SLC35E4: variants seen among roughly 807,000 people sequenced by gnomAD.
SLC35E4 encodes solute carrier family 35 member E4, also known as solute carrier family 35, member E4.
Under a neutral mutation model 19.3 loss-of-function variants are expected in SLC35E4, and 15 were observed. That is an observed-to-expected ratio of 0.78 (90% confidence interval 0.52 to 1.20). The LOEUF (loss-of-function observed/expected upper bound fraction) is 1.20. Among genes scored for constraint, SLC35E4 ranks in the 50% most tolerant of loss-of-function variants. The probability of loss-of-function intolerance (pLI) is 0.00; values close to 1 mark genes in which losing one functional copy is unlikely to be tolerated. For missense variants in SLC35E4, 406 were observed against 472.3 expected, an observed-to-expected ratio of 0.86 and a Z score of 1.30; for synonymous variants, 219 against 219.9, an observed-to-expected ratio of 1.00 and a Z score of 0.04.
chr22:30,665,323 T>C (rs2088609315), downstream of SLC35E4, among the ~76,000 whole-genome samples: 1 of 152,230 alleles, frequency 6.6e-6, no homozygotes, highest in Non-Finnish European at 1.5e-5. Context: ...CAAGGCCATT[T>C]GTGACCTGGC....
At chr22:30,657,940 A>G (rs1602094890) in intron 2 of SLC35E4, among the ~76,000 whole-genome samples, 2 of 144,534 alleles carry the variant, frequency 1.4e-5, no homozygotes, top group East Asian at 4.0e-4. Flanking sequence ...TAATAATAAT[A>G]ATAATAATAA....
At chr22:30,637,095 A>C in intron 1 of SLC35E4, 26 bp downstream of exon 1, 1 of 1,540,894 alleles carries the variant, frequency 6.5e-7, no homozygotes, top group Middle Eastern at 1.8e-4. Context: ...GCCAATTGAG[A>C]AGGTGGGGGT....
At chr22:30,643,544 C>T (rs1024959605) in intron 1 of SLC35E4, among the ~76,000 whole-genome samples, 5 of 152,046 alleles carry the variant, frequency 3.3e-5, no homozygotes, top group Non-Finnish European at 5.9e-5. Flanking sequence ...GGAAACAGGC[C>T]GTGCCAGGGC....
chr22:30,650,174 A>C (rs542128962), downstream of SLC35E4, among the ~76,000 whole-genome samples: 15 of 138,288 alleles, frequency 1.1e-4, 2 homozygotes, highest in African/African-American at 3.8e-4. Context: ...TCTACTAAAA[A>C]TACAAAAATT....
downstream of SLC35E4, among the ~76,000 whole-genome samples, chr22:30,665,772 C>T (rs967913568): frequency 6.6e-6 from 1 of 152,202 alleles, no homozygotes; most frequent in African/African-American, 2.4e-5. Flanking sequence ...TTCACTCCCA[C>T]TCTATCACCA....
At chr22:30,663,866 G>C, downstream of SLC35E4, 2 of 1,614,220 alleles carry the variant, frequency 1.2e-6, no homozygotes, top group Non-Finnish European at 8.5e-7. Flanking sequence ...TGACCATGGT[G>C]ATCTGGTTGC....
At chr22:30,652,631 G>A (rs186447730), downstream of SLC35E4, among the ~76,000 whole-genome samples, 15 of 152,310 alleles carry the variant, frequency 9.8e-5, no homozygotes, top group East Asian at 2.5e-3. Context: ...TTGCAAAGGC[G>A]GCTTCAGATT....
downstream of SLC35E4, chr22:30,663,360 G>A (rs948975045): frequency 1.1e-5 from 16 of 1,413,994 alleles, no homozygotes; most frequent in African/African-American, 2.1e-4. Flanking sequence ...AAAGTAGAAT[G>A]TTCAAGTTTG....
At chr22:30,663,247 A>G (rs2088528553) in exon 3 of SLC35E4, 1 of 628,408 alleles carries the variant, frequency 1.6e-6, no homozygotes, top group South Asian at 2.2e-5. Context: ...TCACCATCTC[A>G]CAATTAGTTT....
chr22:30,640,134 C>T (rs951210655), intron 1 of SLC35E4, among the ~76,000 whole-genome samples: 3 of 152,120 alleles, frequency 2.0e-5, no homozygotes, highest in Non-Finnish European at 4.4e-5. Flanking sequence ...CCTGACTTCC[C>T]GCAACAGAGG....
chr22:30,666,641 A>AAAAAAAAAAAAC (rs2088680938), downstream of SLC35E4, among the ~76,000 whole-genome samples: 1 of 150,834 alleles, frequency 6.6e-6, no homozygotes, highest in Non-Finnish European at 1.5e-5. Context: ...AAAAAAAAAA[A>AAAAAAAAAAAAC]AAAAAGCAAT....
At position 30,646,927 on chromosome 22, in the gene SLC35E4, C is replaced by T. The variant is rs1273288762; in HGVS notation, c.949C>T (p.Leu317Phe). ...TGCCCTCAGCTACGTGGGCATCGCACTCACTCTTTCAGGAATGTTCCTTTA... is the reference window on the plus strand; with the variant it reads ...TGCCCTCAGCTACGTGGGCATCGCATTCACTCTTTCAGGAATGTTCCTTTA... ...LSALSYVGIA[L>F]TLSGMFLYHN... The change falls in exon 2 of 2, where the codon CTC becomes TTC. Residue 317 changes from leucine to phenylalanine, a missense_variant. Coordinates refer to ENST00000343605, the MANE Select transcript of SLC35E4 (RefSeq NM_001001479.4). The T allele has an allele frequency of 1.2e-6, 2 of 1,614,196 alleles. No homozygotes were observed.
intron 2 of SLC35E4, among the ~76,000 whole-genome samples, chr22:30,655,746 G>A (rs1469203425): frequency 2.0e-5 from 3 of 151,988 alleles, no homozygotes; most frequent in African/African-American, 7.2e-5. Context: ...TCTTATGCAC[G>A]GATGGCATTG....
At chr22:30,649,941 A>G (rs944494024), downstream of SLC35E4, among the ~76,000 whole-genome samples, 4 of 149,386 alleles carry the variant, frequency 2.7e-5, 1 homozygote, top group Admixed American at 2.0e-4. Flanking sequence ...ATTCAGGACC[A>G]TTAGACATTG....
Position 30,636,383 on chromosome 22 carries a change from G to A in SLC35E4, c.-68G>A. 1.4e-6 allele frequency: 2 copies of A among 1,434,778 alleles called. No homozygotes were observed. The highest frequency in any genetic ancestry group is 1.5e-5 in the South Asian group (1 of 68,326). The allele number at this position is 1,434,778 out of a possible 1,614,324, so 88.9% of individuals were successfully genotyped here. A position where few individuals can be genotyped will look rare whatever the true frequency, so the allele number is the denominator to read the frequency against. ...ACCAGGATCTAGCCTGGCCCCAAGCGGAACTCTCTGGTGGCCCAGAGGTCG... is the reference window on the plus strand; with the variant it reads ...ACCAGGATCTAGCCTGGCCCCAAGCAGAACTCTCTGGTGGCCCAGAGGTCG... On this transcript the variant is annotated 5_prime_UTR_variant, in exon 1 of 2. Coordinates refer to ENST00000343605, the MANE Select transcript of SLC35E4 (RefSeq NM_001001479.4).
intron 1 of SLC35E4, among the ~76,000 whole-genome samples, chr22:30,643,765 A>T (rs778107612): frequency 3.3e-5 from 5 of 152,178 alleles, no homozygotes; most frequent in Non-Finnish European, 7.3e-5. Flanking sequence ...CAAAAGGGCC[A>T]AGCCAATAGC....
intron 2 of SLC35E4, chr22:30,654,571 G>A (rs2088295379): frequency 2.2e-6 from 1 of 456,060 alleles, no homozygotes; most frequent in Non-Finnish European, 4.4e-6. Context: ...TCCGCCAGAA[G>A]ATGCGGCTGG....
chr22:30,661,244 C>T (rs1230927695), intron 2 of SLC35E4, among the ~76,000 whole-genome samples: 1 of 152,104 alleles, frequency 6.6e-6, no homozygotes, highest in Admixed American at 6.5e-5. Context: ...TCATGGATCT[C>T]AAATCCAAAA....
In SLC35E4 at chr22:30,636,906, G is replaced by T; in HGVS notation, c.456G>T (p.Ala152=). 16 of 1,611,734 alleles carry T rather than the reference G, an allele frequency of 9.9e-6. No individual in the cohort carries two copies. Among genetic ancestry groups the T allele is most frequent in the Non-Finnish European group, 1.3e-5 (15 of 1,179,302 alleles). ...CTCTGTTCACCCTGGCCCTGTCGGCGCTGCTGCTGGGCCGCCGCCACCACC... is the reference window on the plus strand; with the variant it reads ...CTCTGTTCACCCTGGCCCTGTCGGCTCTGCTGCTGGGCCGCCGCCACCACC... ...TTPLFTLALS[A]LLLGRRHHPL... is the part of the protein sequence containing the mutation. The change falls in exon 1 of 2, where the codon GCG becomes GCT. Residue 152 remains alanine (A), a synonymous_variant. Coordinates refer to ENST00000343605, the MANE Select transcript of SLC35E4 (RefSeq NM_001001479.4).
Sources: allele counts gnomAD v4.1 joint callset (sites outside exome capture counted in the v4.1 genomes callset), GRCh38; gene constraint gnomAD v4.1.1; transcripts MANE v1.5; gene names NCBI Gene and HGNC (gene_info 2026-07-23, HGNC 2026-07-21).